Variants in C12orf42 observed in about 807,000 individuals in gnomAD.
C12orf42 encodes the protein chromosome 12 open reading frame 42.
In C12orf42, 25 loss-of-function variants were observed where a neutral mutation model predicts 21.6. The ratio of observed to expected loss-of-function variants is 1.16; its 90% CI spans 0.84 to 1.62. The LOEUF is 1.62. Among genes scored for constraint, C12orf42 ranks in the 40% most tolerant of loss-of-function variants. The probability of loss-of-function intolerance (pLI) is 0.00; values close to 1 mark genes in which losing one functional copy is unlikely to be tolerated. For synonymous variants in C12orf42, 174 were observed against 175.0 expected, an observed-to-expected ratio of 0.99 and a Z score of 0.05; for missense variants, 483 against 459.3, an observed-to-expected ratio of 1.05 and a Z score of -0.47.
At chr12:103,420,771 G>A (rs560960127) in intron 2 of C12orf42, among the ~76,000 whole-genome samples, 4 of 152,122 alleles carry the variant, frequency 2.6e-5, no homozygotes, top group South Asian at 2.1e-4. Flanking sequence ...TGCCCGCCTC[G>A]GCCTCCCAAA....
the C12orf42 span, among the ~76,000 whole-genome samples, chr12:103,210,086 A>G: frequency 1.5e-4 from 22 of 151,564 alleles, 1 homozygote; most frequent in Middle Eastern, 3.4e-3. Flanking sequence ...TACTATGTGA[A>G]TTTTAGACAT....
intron 10 of C12orf42, chr12:103,263,181 T>C (rs534705291): frequency 2.0e-5 from 3 of 151,928 alleles, no homozygotes. Flanking sequence ...GGGATAGCAT[T>C]AGGAGAAATA....
chr12:103,153,037 C>CA, the C12orf42 span, among the ~76,000 whole-genome samples: 1 of 151,722 alleles, frequency 6.6e-6, no homozygotes, highest in African/African-American at 2.4e-5. Flanking sequence ...CCAAAAAGAG[C>CA]AAAAAAAGGT....
chr12:103,507,226 TAA>T, the C12orf42 span, among the ~76,000 whole-genome samples: 2 of 39,586 alleles, frequency 5.1e-5, no homozygotes, highest in African/African-American at 2.4e-4. Flanking sequence ...TATATAAATA[TAA>T]ATATATATAT....
chr12:103,470,413 C>T (rs1484246475), intron 2 of C12orf42, among the ~76,000 whole-genome samples: 2 of 152,164 alleles, frequency 1.3e-5, no homozygotes, highest in Admixed American at 6.5e-5. Context: ...AATGACTCCT[C>T]GTGGTCTCTA....
chr12:103,485,503 G>T (rs1954772629), intron 1 of C12orf42, among the ~76,000 whole-genome samples: 1 of 152,076 alleles, frequency 6.6e-6, no homozygotes, highest in Non-Finnish European at 1.5e-5. Context: ...TTCCAATTCT[G>T]TGAAGAAAAT....
At chr12:103,155,998 TTTG>T in the C12orf42 span, 4 of 151,800 alleles carry the variant, frequency 2.6e-5, no homozygotes, top group African/African-American at 7.3e-5. Context: ...ATTATGAACA[TTTG>T]TTAATATTAT....
chr12:103,530,949 G>A, the C12orf42 span, among the ~76,000 whole-genome samples: 1 of 152,186 alleles, frequency 6.6e-6, no homozygotes, highest in Non-Finnish European at 1.5e-5. Context: ...AGGAGGGGCA[G>A]AGGCAAGAAG....
chr12:103,307,056 C>G (rs1281426993), intron 4 of C12orf42, among the ~76,000 whole-genome samples: 1 of 152,126 alleles, frequency 6.6e-6, no homozygotes, highest in African/African-American at 2.4e-5. Flanking sequence ...AAGCACAGAC[C>G]CGTGAACACC....
the C12orf42 span, among the ~76,000 whole-genome samples, chr12:103,231,414 T>C: frequency 6.6e-6 from 1 of 152,234 alleles, no homozygotes; most frequent in Admixed American, 6.5e-5. Context: ...TATAGTAACA[T>C]ACAAAGTAGT....
chr12:103,431,754 T>C (rs1487704084), intron 2 of C12orf42, among the ~76,000 whole-genome samples: 1 of 152,206 alleles, frequency 6.6e-6, no homozygotes, highest in African/African-American at 2.4e-5. Flanking sequence ...AGAAACCTCT[T>C]AATGTTAGCA....
the C12orf42 span, among the ~76,000 whole-genome samples, chr12:103,173,714 C>T: frequency 6.6e-6 from 1 of 152,060 alleles, no homozygotes; most frequent in African/African-American, 2.4e-5. Context: ...TGATTCTTTC[C>T]TTTGGTGGAT....
At chr12:103,538,734 C>T in the C12orf42 span, among the ~76,000 whole-genome samples, 1 of 152,210 alleles carries the variant, frequency 6.6e-6, no homozygotes, top group Non-Finnish European at 1.5e-5. Flanking sequence ...TGCCCCCCTC[C>T]CACACCCAAC....
chr12:103,393,051 T>C (rs929005572), intron 3 of C12orf42, among the ~76,000 whole-genome samples: 4 of 152,198 alleles, frequency 2.6e-5, no homozygotes, highest in African/African-American at 9.7e-5. Context: ...TTGTAAAGCA[T>C]CCAAAGTTAT....
the C12orf42 span, among the ~76,000 whole-genome samples, chr12:103,209,832 G>A: frequency 1.3e-5 from 2 of 152,106 alleles, no homozygotes; most frequent in African/African-American, 2.4e-5. Context: ...TGTATACGGT[G>A]GAAAGGAGTG....
At chr12:103,390,859 T>A (rs1336813077) in intron 3 of C12orf42, among the ~76,000 whole-genome samples, 1 of 152,232 alleles carries the variant, frequency 6.6e-6, no homozygotes, top group Non-Finnish European at 1.5e-5. Context: ...ATTTAGATGA[T>A]GCCCACCCCC....
chr12:103,294,434 GAAA>G (rs1221350633), intron 4 of C12orf42, among the ~76,000 whole-genome samples: 29 of 95,716 alleles, frequency 3.0e-4, no homozygotes, highest in East Asian at 2.9e-3. Flanking sequence ...GAGAGAGAAA[GAAA>G]GAAAGAAAGA....
chr12:103,537,304 CAG>C, the C12orf42 span, among the ~76,000 whole-genome samples: 1 of 151,124 alleles, frequency 6.6e-6, no homozygotes, highest in African/African-American at 2.4e-5. Context: ...TATTGCAAAT[CAG>C]ATAGTTTGCG....
the C12orf42 span, among the ~76,000 whole-genome samples, chr12:103,071,036 G>A: frequency 6.6e-6 from 1 of 152,100 alleles, no homozygotes; most frequent in African/African-American, 2.4e-5. Flanking sequence ...TGCCAGTGAT[G>A]CTGTATTTCC....
Sources: gnomAD v4.1 joint callset for allele counts (sites outside exome capture counted in the v4.1 genomes callset) on GRCh38, gnomAD v4.1.1 for gene constraint, MANE v1.5 for transcripts, NCBI Gene and HGNC (gene_info 2026-07-23, HGNC 2026-07-21) for gene names.